KIF26B: variants seen among roughly 807,000 people sequenced by gnomAD.
KIF26B encodes kinesin-like protein KIF26B.
Under a neutral mutation model 151.2 loss-of-function variants are expected in KIF26B, and 63 were observed. That is an observed-to-expected ratio of 0.42 (90% CI 0.34 to 0.51). The LOEUF is 0.51. Among genes scored for constraint, KIF26B ranks in the 20% least tolerant of loss-of-function variants. The pLI is 0.07. For missense variants in KIF26B, 2,813 were observed against 2,913.6 expected, an observed-to-expected ratio of 0.97 and a Z score of 0.79; for synonymous variants, 1,357 against 1,262.1, an observed-to-expected ratio of 1.08 and a Z score of -1.59.
Position 245,564,225 on chromosome 1 carries a change from T to A in KIF26B, c.1350+23275T>A, listed in dbSNP as rs1241386692. Reference sequence around the variant, plus strand: ...TCTCTGCCCCTGGGTTCACGCCACTTAGAATGAGCTTCCCCCCATTTTCTG... The same window carrying A: ...TCTCTGCCCCTGGGTTCACGCCACTAAGAATGAGCTTCCCCCCATTTTCTG... On this transcript the variant is annotated intron_variant, in intron 5 of 14. Transcript: ENST00000407071. This position sits in a 1 kb window ranked among gnomAD's most constrained non-coding sequence, Gnocchi z 4.6. Among the ~76,000 whole-genome samples the A allele has an allele frequency of 6.6e-6, 1 of 152,128 alleles. No homozygotes were observed. Among genetic ancestry groups the A allele is most frequent in the Non-Finnish European group, 1.5e-5 (1 of 68,026 alleles).
intron 4 of KIF26B, among the ~76,000 whole-genome samples, chr1:245,467,612 A>G (rs1374627131): frequency 6.6e-6 from 1 of 152,104 alleles, no homozygotes; most frequent in Non-Finnish European, 1.5e-5. Context: ...ACATGGTTGG[A>G]GGCCGGGCGC....
chr1:245,177,481 A>G (rs1304794800), intron 2 of KIF26B, among the ~76,000 whole-genome samples: 4 of 152,186 alleles, frequency 2.6e-5, no homozygotes, highest in East Asian at 3.9e-4. Context: ...GGCAGTGCAC[A>G]CGGCTCACAC....
intron 9 of KIF26B, among the ~76,000 whole-genome samples, chr1:245,633,597 C>T (rs750969667): frequency 1.3e-5 from 2 of 152,054 alleles, no homozygotes; most frequent in Admixed American, 6.6e-5. Flanking sequence ...AGATGTAGAA[C>T]TCCCTCAAGC....
At chr1:245,299,320 G>GTTTTTTTTTTTTTTTTTTTTTTT (rs55957858) in intron 2 of KIF26B, among the ~76,000 whole-genome samples, 3 of 103,198 alleles carry the variant, frequency 2.9e-5, no homozygotes, top group Non-Finnish European at 5.8e-5. Flanking sequence ...CCAATTCTGG[G>GTTTTTTTTTTTTTTTTTTTTTTT]TTTTTTTTTT....
chr1:245,238,867 CAA>C (rs903254589), intron 2 of KIF26B, among the ~76,000 whole-genome samples: 10 of 132,258 alleles, frequency 7.6e-5, no homozygotes, highest in African/African-American at 3.7e-4. Flanking sequence ...TCTCAAAAAA[CAA>C]AACAAAACAA....
chr1:245,326,521 A>G (rs1054738656), intron 2 of KIF26B, among the ~76,000 whole-genome samples: 1 of 152,202 alleles, frequency 6.6e-6, no homozygotes, highest in East Asian at 1.9e-4. Context: ...AAGGTTCCGG[A>G]CCACTGTTTG....
At chr1:245,503,759 G>C (rs935222303) in intron 4 of KIF26B, among the ~76,000 whole-genome samples, 8 of 152,230 alleles carry the variant, frequency 5.3e-5, no homozygotes, top group East Asian at 1.9e-4. Context: ...TTTGCTCTCG[G>C]CGTTGCCGCA....
chr1:245,619,361 C>G (rs1257977932), intron 9 of KIF26B, among the ~76,000 whole-genome samples: 1 of 152,244 alleles, frequency 6.6e-6, no homozygotes, highest in Non-Finnish European at 1.5e-5. Flanking sequence ...TGATTCTCTG[C>G]TCTCGAACTC....
Position 245,155,233 on chromosome 1 carries a change from C to A in KIF26B, c.-192C>A. ...GAGAAGAATAAACCAGCGACCCCAA[C>A]CCTTTCTGCAAATTGGTGCTATTAC... is the stretch of plus-strand genomic sequence containing the variant. On this transcript the variant is annotated 5_prime_UTR_variant, in exon 1 of 15. Transcript: ENST00000407071. 1 of 621,290 alleles carries A rather than the reference C, an allele frequency of 1.6e-6. No individual in the cohort carries two copies. Among genetic ancestry groups the A allele is most frequent in the Non-Finnish European group, 2.8e-6 (1 of 353,326 alleles). 38.5% of individuals were successfully genotyped at this position (621,290 alleles called of 1,614,324 possible).
chr1:245,563,960 G>A lies in KIF26B; in HGVS notation c.1350+23010G>A, dbSNP rs895652216. Among the ~76,000 whole-genome samples the A allele has an allele frequency of 2.6e-5, 4 of 151,884 alleles. No individual in the cohort carries two copies. Among genetic ancestry groups the A allele is most frequent in the Non-Finnish European group, 4.4e-5 (3 of 67,980 alleles). On this transcript the variant is annotated intron_variant, in intron 5 of 14. Transcript: ENST00000407071. This position sits in a 1 kb window ranked among gnomAD's most constrained non-coding sequence, Gnocchi z 4.6. ...ATCCATCTGTTTCTGCACTCTCTTC[G>A]GTGCATCCTCTGAACCACCAGAATT...
Position 245,616,752 on chromosome 1 carries a change from T to C in KIF26B, c.2098+4776T>C, listed in dbSNP as rs576463319. 1.3e-4 allele frequency among the ~76,000 whole-genome samples: 20 copies of C among 152,304 alleles called. No homozygotes were observed. The South Asian group carries it at 4.1e-3, about 32-fold the overall frequency. Reference sequence around the variant, plus strand: ...TGAGATTCTTGGAGTATTTTGGATTTCAGATTTTTTGGGTTAGGGATGCTC... The same window carrying C: ...TGAGATTCTTGGAGTATTTTGGATTCCAGATTTTTTGGGTTAGGGATGCTC... On this transcript the variant is annotated intron_variant, in intron 9 of 14. Transcript: ENST00000407071.
In KIF26B at chr1:245,202,759, CAAA is replaced by C. The variant is rs56170851; in HGVS notation, c.465+46095_465+46097del. On this transcript the variant is annotated intron_variant, in intron 2 of 14. Transcript: ENST00000407071. ...TGGGTGACAGAGCGAGACTCCATCT[CAAA>C]AAAAAAAAAAAAAAAAAATACACAC... Among the ~76,000 whole-genome samples, 315 of 45,124 alleles carry C rather than the reference CAAA, an allele frequency of 7.0e-3. 1 individual carries two copies. Among genetic ancestry groups the C allele is most frequent in the African/African-American group, 0.026 (304 of 11,638 alleles). The allele number at this position is 45,124 out of a possible 152,430, so 29.6% of individuals were successfully genotyped here.
intron 9 of KIF26B, among the ~76,000 whole-genome samples, chr1:245,623,146 C>A (rs2043684499): frequency 6.8e-6 from 1 of 148,114 alleles, no homozygotes; most frequent in South Asian, 2.1e-4. Context: ...TATGTATATG[C>A]CTATGAAACC....
chr1:245,233,187 C>A (rs1402821327), intron 2 of KIF26B, among the ~76,000 whole-genome samples: 1 of 152,152 alleles, frequency 6.6e-6, no homozygotes, highest in Non-Finnish European at 1.5e-5. Flanking sequence ...GGACACATTT[C>A]CATCCTCCAA....
intron 2 of KIF26B, among the ~76,000 whole-genome samples, chr1:245,331,222 G>C (rs1341592433): frequency 6.6e-6 from 1 of 152,070 alleles, no homozygotes; most frequent in Non-Finnish European, 1.5e-5. Context: ...GCTCTTGCCG[G>C]AGGAGGGTGC....
intron 10 of KIF26B, among the ~76,000 whole-genome samples, chr1:245,680,567 T>C (rs188016234): frequency 6.6e-6 from 1 of 152,136 alleles, no homozygotes; most frequent in African/African-American, 2.4e-5. Context: ...ATGTTCTCTC[T>C]CAATTCTGTC....
At chr1:245,212,369 C>A (rs1669555534) in intron 2 of KIF26B, among the ~76,000 whole-genome samples, 2 of 152,166 alleles carry the variant, frequency 1.3e-5, no homozygotes, top group Admixed American at 6.5e-5. Flanking sequence ...GCCGCCCGTG[C>A]CACCTGTTCT....
chr1:245,391,458 A>G (rs1306876825), intron 3 of KIF26B, among the ~76,000 whole-genome samples: 1 of 152,176 alleles, frequency 6.6e-6, no homozygotes, highest in Non-Finnish European at 1.5e-5. Flanking sequence ...ACATATCCAG[A>G]CATAAGCCAC....
At chr1:245,515,789 C>T (rs1265192513) in intron 4 of KIF26B, among the ~76,000 whole-genome samples, 1 of 152,144 alleles carries the variant, frequency 6.6e-6, no homozygotes, top group African/African-American at 2.4e-5. Context: ...TGCAGAATGA[C>T]AGGTAAGATT....
Sources: gnomAD v4.1 joint callset for allele counts (sites outside exome capture counted in the v4.1 genomes callset) on GRCh38, gnomAD v4.1.1 for gene constraint, Gnocchi (gnomAD v3.1) non-coding constraint, MANE v1.5 for transcripts, NCBI Gene and HGNC (gene_info 2026-07-23, HGNC 2026-07-21) for gene names.